EYA4: variants seen among roughly 807,000 people sequenced by gnomAD.
The protein encoded by EYA4 is protein phosphatase EYA4.
EYA4 carries 31 observed loss-of-function variants against 87.9 expected under a neutral mutation model. The observed-to-expected ratio is 0.35, with a 90% confidence interval of 0.27 to 0.48. EYA4 has a LOEUF of 0.48. Ranked by LOEUF, EYA4 falls within the 20% of genes least tolerant of loss-of-function variation. The probability of loss-of-function intolerance (pLI) is 0.99; values close to 1 mark genes in which losing one functional copy is unlikely to be tolerated. For synonymous variants in EYA4, 263 were observed against 270.6 expected (o/e 0.97, Z 0.28); for missense variants, 678 against 761.4 (o/e 0.89, Z 1.29).
At chr6:133,351,385 G>C (rs754873268) in intron 2 of EYA4, among the ~76,000 whole-genome samples, 77 of 152,256 alleles carry the variant, frequency 5.1e-4, no homozygotes, top group Non-Finnish European at 8.1e-4. Flanking sequence ...TTCAACCTAT[G>C]TATATGCAGT....
At chr6:133,458,204 T>C (rs371027292) in intron 6 of EYA4, among the ~76,000 whole-genome samples, 9 of 152,326 alleles carry the variant, frequency 5.9e-5, no homozygotes, top group East Asian at 3.9e-4. Context: ...TCCAGTAAGG[T>C]AGCCACCAGT....
chr6:133,468,811 A>C (rs1166710642), intron 11 of EYA4, 80 bp downstream of exon 11: 2 of 1,412,072 alleles, frequency 1.4e-6, no homozygotes, highest in East Asian at 4.6e-5. Flanking sequence ...CATTCCAAAA[A>C]CATGGCGGAA....
intron 13 of EYA4, among the ~76,000 whole-genome samples, chr6:133,489,343 G>T (rs868791630): frequency 2.0e-5 from 3 of 152,048 alleles, no homozygotes; most frequent in African/African-American, 7.2e-5. Flanking sequence ...TTATTGAAAA[G>T]GATAATAACA....
Position 133,530,071 on chromosome 6 carries a change from C to G in EYA4, c.*1266C>G, listed in dbSNP as rs1800920676. ...ATATCATCAGAAATGGAAGGCAGTT[C>G]TCCCAGATGGTGTCTAATGAAAGCA... On this transcript the variant is annotated 3_prime_UTR_variant, in exon 20 of 20. Coordinates refer to ENST00000355286, the MANE Select transcript of EYA4 (RefSeq NM_004100.5). 1 of 984,784 alleles carries G rather than the reference C, an allele frequency of 1.0e-6. No homozygotes were observed. Among genetic ancestry groups the G allele is most frequent in the Non-Finnish European group, 1.2e-6 (1 of 829,446 alleles). 61.0% of individuals were successfully genotyped at this position (984,784 alleles called of 1,614,324 possible).
At chr6:133,484,700 G>A (rs1338656662) in intron 13 of EYA4, among the ~76,000 whole-genome samples, 1 of 152,168 alleles carries the variant, frequency 6.6e-6, no homozygotes, top group Non-Finnish European at 1.5e-5. Flanking sequence ...AAATCCTGTT[G>A]AGCTGATTGC....
chr6:133,461,246 G>A, intron 7 of EYA4, 66 bp downstream of exon 7: 1 of 1,121,536 alleles, frequency 8.9e-7, no homozygotes, highest in Admixed American at 1.7e-5. Context: ...TTTTATAGAT[G>A]GTTGGATAAT....
At position 133,482,068 on chromosome 6, in the gene EYA4, C is replaced by G. The variant is rs143273354; in HGVS notation, c.1107+469C>G. 6.7e-3 allele frequency among the ~76,000 whole-genome samples: 1,023 copies of G among 152,312 alleles called. 5 individuals are homozygous for G. The highest frequency in any genetic ancestry group is 0.014 in the South Asian group (69 of 4,820). On this transcript the variant is annotated intron_variant, in intron 12 of 19. Transcript: ENST00000355286. ...ATCACTTAATAGTATGTGTTAAAAT[C>G]TGAAAATTTCATTATATGTCACTTT...
At chr6:133,426,851 C>CTATCTA (rs1395173453) in intron 3 of EYA4, among the ~76,000 whole-genome samples, 2 of 152,222 alleles carry the variant, frequency 1.3e-5, no homozygotes, top group African/African-American at 2.4e-5. Context: ...TATCTCCTTT[C>CTATCTA]TATCTATATC....
intron 2 of EYA4, among the ~76,000 whole-genome samples, chr6:133,299,669 G>A (rs1167821955): frequency 4.0e-5 from 6 of 150,852 alleles, no homozygotes; most frequent in Admixed American, 2.0e-4. Flanking sequence ...CCGAGATCGC[G>A]CCACTGCACT....
intron 2 of EYA4, among the ~76,000 whole-genome samples, chr6:133,288,839 GT>G (rs1778269593): frequency 6.6e-6 from 1 of 152,060 alleles, no homozygotes; most frequent in African/African-American, 2.4e-5. Flanking sequence ...GGAGGAATTG[GT>G]CATTACTGTC....
At chr6:133,352,848 G>A (rs958015794) in intron 2 of EYA4, among the ~76,000 whole-genome samples, 1 of 152,172 alleles carries the variant, frequency 6.6e-6, no homozygotes, top group Non-Finnish European at 1.5e-5. Context: ...AAAATCAGTC[G>A]CCTGTAGCAA....
chr6:133,478,756 G>A, intron 11 of EYA4, among the ~76,000 whole-genome samples: 1 of 152,112 alleles, frequency 6.6e-6, no homozygotes, highest in South Asian at 2.1e-4. Context: ...TAAAGTCTTA[G>A]GTTTACTGAA....
chr6:133,256,147 G>A (rs1465507713), intron 1 of EYA4, among the ~76,000 whole-genome samples: 3 of 150,182 alleles, frequency 2.0e-5, no homozygotes, highest in East Asian at 1.9e-4. Context: ...TATAGTAATC[G>A]GAATACTCCA....
chr6:133,475,979 G>A (rs1223752210), intron 11 of EYA4, among the ~76,000 whole-genome samples: 1 of 152,082 alleles, frequency 6.6e-6, no homozygotes, highest in African/African-American at 2.4e-5. Flanking sequence ...CCATCTCACA[G>A]AAATTATATA....
At chr6:133,318,502 G>C (rs560973434) in intron 2 of EYA4, among the ~76,000 whole-genome samples, 1 of 151,940 alleles carries the variant, frequency 6.6e-6, no homozygotes, top group Non-Finnish European at 1.5e-5. Flanking sequence ...CTTCATCTTC[G>C]TATCTATTCT....
chr6:133,292,514 G>A (rs1778569523), intron 2 of EYA4, among the ~76,000 whole-genome samples: 3 of 152,144 alleles, frequency 2.0e-5, no homozygotes, highest in Admixed American at 2.0e-4. Flanking sequence ...CATGAACATG[G>A]ATTGAATGTT....
chr6:133,473,187 G>A (rs2128686709), intron 11 of EYA4, among the ~76,000 whole-genome samples: 1 of 152,048 alleles, frequency 6.6e-6, no homozygotes, highest in Admixed American at 6.6e-5. Context: ...TGGATGGGAG[G>A]GAAAATAGGG....
chr6:133,278,567 A>T (rs1382427344), intron 2 of EYA4, among the ~76,000 whole-genome samples: 1 of 152,208 alleles, frequency 6.6e-6, no homozygotes, highest in South Asian at 2.1e-4. Flanking sequence ...GAGTAGCCTG[A>T]CAAATTTTAG....
chr6:133,329,390 T>C (rs2128378525), intron 2 of EYA4, among the ~76,000 whole-genome samples: 1 of 152,224 alleles, frequency 6.6e-6, no homozygotes, highest in South Asian at 2.1e-4. Flanking sequence ...TGATAATGTG[T>C]AACCTCTCAT....
Sources: gnomAD v4.1 joint callset for allele counts (sites outside exome capture counted in the v4.1 genomes callset) on GRCh38, gnomAD v4.1.1 for gene constraint, MANE v1.5 for transcripts, NCBI Gene and HGNC (gene_info 2026-07-23, HGNC 2026-07-21) for gene names.